Variants in AGBL3 observed in about 807,000 individuals in gnomAD.
AGBL3 encodes AGBL carboxypeptidase 3, also known as cytosolic carboxypeptidase 3.
AGBL3 carries 68 observed loss-of-function variants against 94.5 expected under a neutral mutation model. The observed-to-expected ratio is 0.72, with a 90% confidence interval of 0.59 to 0.88. AGBL3 has a LOEUF of 0.88. AGBL3 is among the 40% of genes least tolerant of loss of function. The pLI, the probability that AGBL3 is intolerant of heterozygous loss-of-function variation, is 0.00. For synonymous variants in AGBL3, 354 were observed against 370.7 expected (o/e 0.95, Z 0.52); for missense variants, 934 against 1,103.8 (o/e 0.85, Z 2.18).
At chr7:135,067,852 G>A (rs560527031) in intron 12 of AGBL3, among the ~76,000 whole-genome samples, 16 of 152,318 alleles carry the variant, frequency 1.1e-4, no homozygotes, top group African/African-American at 2.9e-4. Flanking sequence ...CCAAAGGAAC[G>A]CAGCTCCTCA....
At chr7:135,118,754 CA>C (rs1166505043) in intron 16 of AGBL3, among the ~76,000 whole-genome samples, 1 of 151,556 alleles carries the variant, frequency 6.6e-6, no homozygotes, top group Non-Finnish European at 1.5e-5. Context: ...TAAAATGCTT[CA>C]AAAAACACTT....
chr7:135,011,476 G>A (rs888932127), intron 4 of AGBL3: 3 of 151,770 alleles, frequency 2.0e-5, no homozygotes, highest in African/African-American at 7.2e-5. Flanking sequence ...GCAAACAATA[G>A]TTTGGGAGAA....
chr7:135,069,316 C>T (rs1247734856), intron 12 of AGBL3, among the ~76,000 whole-genome samples: 1 of 152,152 alleles, frequency 6.6e-6, no homozygotes, highest in Non-Finnish European at 1.5e-5. Flanking sequence ...GACAGATCAA[C>T]AAGACAGAAA....
intron 11 of AGBL3, among the ~76,000 whole-genome samples, chr7:135,054,333 G>A (rs1020581905): frequency 1.3e-5 from 2 of 152,210 alleles, no homozygotes; most frequent in Admixed American, 6.5e-5. Flanking sequence ...TGTGAGTGCA[G>A]AGGAGAAATT....
intron 12 of AGBL3, among the ~76,000 whole-genome samples, chr7:135,069,836 A>C (rs1177706470): frequency 6.6e-6 from 1 of 152,244 alleles, no homozygotes; most frequent in African/African-American, 2.4e-5. Context: ...GAGCAAACAC[A>C]TTCAAAAGCT....
chr7:135,111,919 G>A (rs1384772711), intron 15 of AGBL3, among the ~76,000 whole-genome samples: 1 of 151,990 alleles, frequency 6.6e-6, no homozygotes, highest in African/African-American at 2.4e-5. Context: ...TCTGCCTACT[G>A]GATATCGCCA....
intron 11 of AGBL3, among the ~76,000 whole-genome samples, chr7:135,053,481 C>G (rs1361396317): frequency 6.6e-6 from 1 of 152,144 alleles, no homozygotes; most frequent in African/African-American, 2.4e-5. Context: ...GTGGTACATG[C>G]CTGTAATCTC....
chr7:135,014,973 G>A (rs1813594307), intron 4 of AGBL3, among the ~76,000 whole-genome samples: 4 of 152,220 alleles, frequency 2.6e-5, no homozygotes. Flanking sequence ...GACAATGATA[G>A]CCAACACTTT....
intron 4 of AGBL3, among the ~76,000 whole-genome samples, chr7:135,004,081 T>A (rs937132265): frequency 4.0e-5 from 6 of 151,734 alleles, no homozygotes; most frequent in Admixed American, 3.3e-4. Flanking sequence ...AAAATAAATT[T>A]TTTTGATTCT....
rs181005746 is a variant in AGBL3, at chr7:135,031,850, G to C, written c.419-994G>C. On this transcript the variant is annotated intron_variant, in intron 5 of 16. Coordinates refer to ENST00000436302, the MANE Select transcript of AGBL3 (RefSeq NM_178563.4). ...GAAGTGTATGTCCTCTGGCATCTCA[G>C]CCCGCAGTGGTGCTCTCTCCTGTCT... is the stretch of plus-strand genomic sequence containing the variant. Among the ~76,000 whole-genome samples the C allele has an allele frequency of 3.0e-3, 452 of 152,244 alleles. 3 individuals carry two copies. The highest frequency in any genetic ancestry group is 5.3e-3 in the Non-Finnish European group (358 of 68,014).
chr7:135,116,203 CAT>C (rs1212291131), intron 16 of AGBL3, among the ~76,000 whole-genome samples: 9 of 152,248 alleles, frequency 5.9e-5, no homozygotes, highest in African/African-American at 1.9e-4. Flanking sequence ...ACATTTTACA[CAT>C]GAGAAAACTG....
At chr7:135,122,661 A>G (rs2067613063) in intron 16 of AGBL3, among the ~76,000 whole-genome samples, 1 of 152,200 alleles carries the variant, frequency 6.6e-6, no homozygotes, top group Non-Finnish European at 1.5e-5. Context: ...CCTTGAGGTC[A>G]GAGATCCCAG....
chr7:135,078,669 T>G (rs1311308378), intron 13 of AGBL3, among the ~76,000 whole-genome samples: 1 of 152,204 alleles, frequency 6.6e-6, no homozygotes, highest in Non-Finnish European at 1.5e-5. Context: ...ATTGGAGCTT[T>G]TAAAATTGTA....
intron 3 of AGBL3, among the ~76,000 whole-genome samples, chr7:134,993,025 G>A (rs1164474216): frequency 6.6e-6 from 1 of 152,212 alleles, no homozygotes; most frequent in Non-Finnish European, 1.5e-5. Flanking sequence ...ACTAGTCTAT[G>A]TGAATTGTGT....
At chr7:135,110,556 C>T (rs1825482685) in intron 15 of AGBL3, among the ~76,000 whole-genome samples, 1 of 152,182 alleles carries the variant, frequency 6.6e-6, no homozygotes, top group South Asian at 2.1e-4. Context: ...TCCCCATCAT[C>T]ACTCACTGAC....
intron 15 of AGBL3, among the ~76,000 whole-genome samples, chr7:135,096,742 T>TGAAAGAAAGAAAGAAA (rs3038284): frequency 0.025 from 2,508 of 101,132 alleles, 51 homozygotes; most frequent in East Asian, 0.037. Context: ...AGAGAAAGAA[T>TGAAAGAAAGAAAGAAA]GAAAGAAAGA....
At chr7:135,129,114 G>C (rs1828363296) in intron 16 of AGBL3, 1 of 1,557,170 alleles carries the variant, frequency 6.4e-7, no homozygotes, top group Non-Finnish European at 8.9e-7. Flanking sequence ...CAAAGAGCTA[G>C]TGGAAGCAGA....
intron 4 of AGBL3, among the ~76,000 whole-genome samples, chr7:135,002,622 G>A (rs955024310): frequency 6.6e-6 from 1 of 152,162 alleles, no homozygotes; most frequent in African/African-American, 2.4e-5. Context: ...GAATATTTCA[G>A]GGTCTTAGAG....
At chr7:135,134,730 A>T in intron 16 of AGBL3, 111 bp from the exon 17 acceptor site, 1 of 999,976 alleles carries the variant, frequency 1.0e-6, no homozygotes, top group Non-Finnish European at 1.4e-6. Flanking sequence ...AACTTTAAGA[A>T]GTTATGAACT....
Sources: allele counts gnomAD v4.1 joint callset (sites outside exome capture counted in the v4.1 genomes callset), GRCh38; gene constraint gnomAD v4.1.1; transcripts MANE v1.5; gene names NCBI Gene and HGNC (gene_info 2026-07-23, HGNC 2026-07-21).